Variants in CFAP91 observed in about 807,000 individuals in gnomAD.
The protein encoded by CFAP91 is cilia and flagella associated protein 91.
In CFAP91, 85 loss-of-function variants were observed where a neutral mutation model predicts 95.9. The ratio of observed to expected loss-of-function variants is 0.89; its 90% CI spans 0.74 to 1.06. CFAP91 has a LOEUF of 1.06. Among genes scored for constraint, CFAP91 ranks in the 50% least tolerant of loss-of-function variants. The probability of loss-of-function intolerance (pLI) is 0.00; values close to 1 mark genes in which losing one functional copy is unlikely to be tolerated. For synonymous variants in CFAP91, 335 were observed against 327.5 expected (o/e 1.02, Z -0.25); for missense variants, 962 against 943.4 (o/e 1.02, Z -0.26).
At chr3:119,763,725 A>G (rs561358791) in intron 17 of CFAP91, among the ~76,000 whole-genome samples, 1 of 152,244 alleles carries the variant, frequency 6.6e-6, no homozygotes, top group African/African-American at 2.4e-5. Context: ...GCATAATGCC[A>G]TGAACCAGGT....
chr3:119,761,406 G>T (rs538288205), intron 17 of CFAP91, among the ~76,000 whole-genome samples: 1 of 151,852 alleles, frequency 6.6e-6, no homozygotes, highest in South Asian at 2.1e-4. Context: ...AGGACCCAAT[G>T]GCTTCACTGC....
chr3:119,748,856 A>G (rs1298677165), intron 16 of CFAP91, among the ~76,000 whole-genome samples: 1 of 152,158 alleles, frequency 6.6e-6, no homozygotes, highest in Admixed American at 6.5e-5. Flanking sequence ...CTGAGAGTAC[A>G]TTCTTAACAG....
At chr3:119,729,115 G>C (rs1385459055) in intron 7 of CFAP91, among the ~76,000 whole-genome samples, 1 of 152,146 alleles carries the variant, frequency 6.6e-6, no homozygotes, top group African/African-American at 2.4e-5. Context: ...TTGACAGCTG[G>C]GTGGAGCAAA....
chr3:119,706,265 C>G (rs181220107), intron 1 of CFAP91: 1 of 152,454 alleles, frequency 6.6e-6, no homozygotes, highest in East Asian at 1.9e-4. Context: ...AATAACAGTT[C>G]CATCATCAGC....
rs1553707014 is a variant in CFAP91, at chr3:119,722,195, A to AAAAAAAAAG, written c.683-3976_683-3975insAAAAAAAAG. ...CTGTCTCTAAAAAAAAAAAAAAAAA[A>AAAAAAAAAG]GGAAGAAGATGAAAGAAAGAAAAAG... On this transcript the variant is annotated intron_variant, in intron 6 of 17. Transcript: ENST00000273390. Among the ~76,000 whole-genome samples, 1,305 of 149,192 alleles carry AAAAAAAAAG rather than the reference A, an allele frequency of 8.7e-3. 23 individuals are homozygous for AAAAAAAAAG. Among genetic ancestry groups the AAAAAAAAAG allele is most frequent in the African/African-American group, 0.031 (1,234 of 40,306 alleles).
intron 1 of CFAP91, 52 bp from the exon 2 acceptor site, chr3:119,706,757 C>A: frequency 7.4e-7 from 1 of 1,343,142 alleles, no homozygotes; most frequent in East Asian, 2.3e-5. Context: ...TATTCTCAGC[C>A]TAGGGGTAGA....
intron 6 of CFAP91, among the ~76,000 whole-genome samples, chr3:119,722,781 C>T (rs529319165): frequency 5.3e-5 from 8 of 151,828 alleles, no homozygotes; most frequent in South Asian, 2.1e-4. Context: ...GGTGAGCCAC[C>T]GCACTTGGCT....
At chr3:119,747,772 A>G in intron 15 of CFAP91, 39 bp from the exon 16 acceptor site, 3 of 1,575,078 alleles carry the variant, frequency 1.9e-6, no homozygotes, top group Non-Finnish European at 2.6e-6. Context: ...TCAAGTGAAA[A>G]AACCAAAGAA....
rs554018147 is a variant in CFAP91, at chr3:119,705,466, G to C, written c.125-1343G>C. Among the ~76,000 whole-genome samples, 271 of 152,144 alleles carry C rather than the reference G, an allele frequency of 1.8e-3. 2 individuals carry two copies. Among genetic ancestry groups the C allele is most frequent in the Admixed American group, 1.6e-3 (24 of 15,264 alleles). ...GTCCTGGTTTCTTTGCTATTCTTCAGACGTATCAGGCATGTTCCCATCCTA... is the reference window on the plus strand; with the variant it reads ...GTCCTGGTTTCTTTGCTATTCTTCACACGTATCAGGCATGTTCCCATCCTA... On this transcript the variant is annotated intron_variant, in intron 1 of 17. Coordinates refer to ENST00000273390, the MANE Select transcript of CFAP91 (RefSeq NM_033364.4).
chr3:119,707,501 T>G lies in CFAP91; in HGVS notation c.299T>G (p.Ile100Ser). Residue 100 changes from isoleucine to serine, a missense_variant, in exon 3 of 18, where the codon ATC becomes AGC. Ile to Ser is a moderately radical substitution (Grantham distance 142, BLOSUM62 -2). Coordinates refer to ENST00000273390, the MANE Select transcript of CFAP91 (RefSeq NM_033364.4). ...WSKSDPVPPFISREWKGHKEK... is the reference protein window; with the variant it reads ...WSKSDPVPPFSSREWKGHKEK... ...AAGTCAGATCCTGTCCCACCATTTA[T>G]CAGTCGGGAATGGAAGGGACATAAG... 1 of 1,599,272 alleles carries G rather than the reference T, an allele frequency of 6.3e-7. No homozygotes were observed. Among genetic ancestry groups the G allele is most frequent in the Non-Finnish European group, 8.5e-7 (1 of 1,169,844 alleles).
At chr3:119,735,726 G>A (rs1253883081) in intron 10 of CFAP91, among the ~76,000 whole-genome samples, 1 of 152,076 alleles carries the variant, frequency 6.6e-6, no homozygotes, top group East Asian at 1.9e-4. Context: ...AGGCACCTTA[G>A]AGCAGATTAT....
At position 119,706,843 on chromosome 3, in the gene CFAP91, T is replaced by C. The variant is rs368173878; in HGVS notation, c.159T>C (p.His53=). The C allele has an allele frequency of 1.1e-4, 180 of 1,613,382 alleles. No individual in the cohort carries two copies. The highest frequency in any genetic ancestry group is 1.3e-4 in the Non-Finnish European group (159 of 1,179,824). ...PLFIVSSEKD[H]TQANIQATLI... ...TTATTGTGTCAAGTGAGAAAGACCA[T>C]ACACAGGCAAATATCCAAGCTACCC... The change falls in exon 2 of 18, where the codon CAT becomes CAC. Residue 53 remains histidine (H), a synonymous_variant. Coordinates refer to ENST00000273390, the MANE Select transcript of CFAP91 (RefSeq NM_033364.4).
intron 17 of CFAP91, among the ~76,000 whole-genome samples, chr3:119,761,761 G>GA (rs891180873): frequency 6.6e-6 from 1 of 151,420 alleles, no homozygotes; most frequent in Admixed American, 6.6e-5. Flanking sequence ...AATAGATTCA[G>GA]AAAAAAAATT....
intron 17 of CFAP91, among the ~76,000 whole-genome samples, chr3:119,753,141 T>C (rs915304310): frequency 5.9e-5 from 9 of 152,158 alleles, no homozygotes; most frequent in African/African-American, 2.2e-4. Context: ...GATAGAAATT[T>C]AGAGGGTTGG....
chr3:119,703,724 C>G (rs1052087969), intron 1 of CFAP91, among the ~76,000 whole-genome samples: 7 of 152,066 alleles, frequency 4.6e-5, no homozygotes, highest in African/African-American at 1.7e-4. Context: ...CCGCTGGCTC[C>G]TCTTGGGCCA....
At chr3:119,736,305 T>A (rs2054005468) in intron 10 of CFAP91, among the ~76,000 whole-genome samples, 1 of 125,752 alleles carries the variant, frequency 8.0e-6, no homozygotes. Flanking sequence ...GGAATCTCAC[T>A]CTGTTTGTCA....
At chr3:119,710,021 A>G (rs766758302) in intron 5 of CFAP91, 126 bp downstream of exon 5, 5 of 726,178 alleles carry the variant, frequency 6.9e-6, no homozygotes, top group Non-Finnish European at 1.2e-5. Context: ...TTAGAAGGGT[A>G]TGAAATCTTC....
At chr3:119,703,258 G>T in intron 1 of CFAP91, 36 bp downstream of exon 1, 1 of 1,605,714 alleles carries the variant, frequency 6.2e-7, no homozygotes, top group Non-Finnish European at 8.5e-7. Flanking sequence ...CGCGTCCGTC[G>T]CCTCCTAGGC....
chr3:119,758,726 T>A (rs2054478913), intron 17 of CFAP91, among the ~76,000 whole-genome samples: 1 of 152,148 alleles, frequency 6.6e-6, no homozygotes, highest in South Asian at 2.1e-4. Context: ...TTGGCCATAC[T>A]GTTCTGAATG....
Sources: allele counts gnomAD v4.1 joint callset (sites outside exome capture counted in the v4.1 genomes callset), GRCh38; gene constraint gnomAD v4.1.1; transcripts MANE v1.5; gene names NCBI Gene and HGNC (gene_info 2026-07-23, HGNC 2026-07-21).